The following DRC11 variants were observed in gnomAD, a reference collection of about 807,000 sequenced individuals.
DRC11 encodes dynein regulatory complex subunit 11.
chr2:236,336,461 CACCACCACT>C, the DRC11 span, among the ~76,000 whole-genome samples: 1 of 150,656 alleles, frequency 6.6e-6, no homozygotes, highest in African/African-American at 2.5e-5. The surrounding 1 kb of genome is among the most constrained non-coding windows in gnomAD (Gnocchi z 7.3). Context: ...CCACCACGGC[CACCACCACT>C]GCCACCACGG....
the DRC11 span, among the ~76,000 whole-genome samples, chr2:236,311,063 G>A: frequency 1.3e-5 from 2 of 152,184 alleles, no homozygotes; most frequent in African/African-American, 4.8e-5. The surrounding 1 kb of genome is among the most constrained non-coding windows in gnomAD (Gnocchi z 6.9). Context: ...CTCTGGGGAC[G>A]ACACACTGTG....
the DRC11 span, among the ~76,000 whole-genome samples, chr2:236,411,120 T>C: frequency 6.8e-6 from 1 of 146,176 alleles, no homozygotes; most frequent in Non-Finnish European, 1.5e-5. Context: ...ACCTACAAAA[T>C]GGGAGAAAAT....
chr2:236,375,905 T>C, the DRC11 span, among the ~76,000 whole-genome samples: 337 of 152,336 alleles, frequency 2.2e-3, no homozygotes, highest in African/African-American at 7.8e-3. The surrounding 1 kb of genome is among the most constrained non-coding windows in gnomAD (Gnocchi z 4.2). Context: ...CTGATGCAGA[T>C]ACAAAATCAT....
chr2:236,496,364 T>A, the DRC11 span, among the ~76,000 whole-genome samples: 1 of 152,190 alleles, frequency 6.6e-6, no homozygotes, highest in African/African-American at 2.4e-5. This position sits in a 1 kb window ranked among gnomAD's most constrained non-coding sequence, Gnocchi z 6.3. Flanking sequence ...GAAACCCTCA[T>A]GTAGAAAATT....
At chr2:236,359,845 C>T in the DRC11 span, among the ~76,000 whole-genome samples, 6 of 152,184 alleles carry the variant, frequency 3.9e-5, no homozygotes, top group Non-Finnish European at 8.8e-5. This position sits in a 1 kb window ranked among gnomAD's most constrained non-coding sequence, Gnocchi z 4.3. Flanking sequence ...CTGGGTCTTT[C>T]ATTAATCAGT....
chr2:236,501,013 T>C, the DRC11 span, among the ~76,000 whole-genome samples: 1 of 152,084 alleles, frequency 6.6e-6, no homozygotes, highest in African/African-American at 2.4e-5. Flanking sequence ...GGGTAATTTA[T>C]AAAGAAAAGA....
At chr2:236,346,320 C>G in the DRC11 span, among the ~76,000 whole-genome samples, 1 of 152,170 alleles carries the variant, frequency 6.6e-6, no homozygotes, top group African/African-American at 2.4e-5. Flanking sequence ...GAGGCCTTAG[C>G]ACATGTGGAA....
the DRC11 span, among the ~76,000 whole-genome samples, chr2:236,378,455 T>C: frequency 6.6e-6 from 1 of 152,048 alleles, no homozygotes; most frequent in East Asian, 1.9e-4. Flanking sequence ...GGGCGGATCA[T>C]TTGAAGTCAG....
the DRC11 span, chr2:236,465,722 T>C: frequency 3.2e-6 from 5 of 1,549,288 alleles, no homozygotes; most frequent in African/African-American, 2.7e-5. The surrounding 1 kb of genome is among the most constrained non-coding windows in gnomAD (Gnocchi z 6.2). Context: ...TGAAAATATA[T>C]ACAAGCAACA....
the DRC11 span, among the ~76,000 whole-genome samples, chr2:236,349,669 A>C: frequency 6.6e-6 from 1 of 152,338 alleles, no homozygotes; most frequent in East Asian, 1.9e-4. The surrounding 1 kb of genome is among the most constrained non-coding windows in gnomAD (Gnocchi z 5.5). Flanking sequence ...TGGCAGCTAA[A>C]CAGTGAGAAT....
chr2:236,435,953 A>G, the DRC11 span, among the ~76,000 whole-genome samples: 1 of 152,230 alleles, frequency 6.6e-6, no homozygotes, highest in Non-Finnish European at 1.5e-5. Context: ...AAGCACATAC[A>G]CATGAAAAGT....
the DRC11 span, among the ~76,000 whole-genome samples, chr2:236,387,180 C>T: frequency 2.2e-4 from 33 of 148,372 alleles, no homozygotes; most frequent in African/African-American, 2.7e-4. Flanking sequence ...CTATTAGGTC[C>T]GCTTGGTGCA....
the DRC11 span, among the ~76,000 whole-genome samples, chr2:236,355,435 G>A: frequency 3.9e-5 from 6 of 152,210 alleles, no homozygotes; most frequent in African/African-American, 1.4e-4. Flanking sequence ...TGTGCATGTC[G>A]CTCCTCAGCC....
the DRC11 span, among the ~76,000 whole-genome samples, chr2:236,421,778 T>C: frequency 1.3e-5 from 2 of 152,138 alleles, no homozygotes; most frequent in Non-Finnish European, 2.9e-5. Flanking sequence ...TTTAGACCAA[T>C]ATCCTTGAAC....
At chr2:236,332,691 A>G in the DRC11 span, 1 of 152,246 alleles carries the variant, frequency 6.6e-6, no homozygotes, top group African/African-American at 2.4e-5. This position sits in a 1 kb window ranked among gnomAD's most constrained non-coding sequence, Gnocchi z 5.1. Flanking sequence ...AAATGAAAAG[A>G]TCTACTTACT....
At chr2:236,327,627 T>C in the DRC11 span, among the ~76,000 whole-genome samples, 2 of 152,192 alleles carry the variant, frequency 1.3e-5, no homozygotes, top group Non-Finnish European at 2.9e-5. Flanking sequence ...CCTTTTTCAG[T>C]TCTTTTGTTT....
the DRC11 span, among the ~76,000 whole-genome samples, chr2:236,457,447 G>A: frequency 3.4e-4 from 52 of 152,264 alleles, no homozygotes; most frequent in South Asian, 8.3e-3. The surrounding 1 kb of genome is among the most constrained non-coding windows in gnomAD (Gnocchi z 4.7). Context: ...CATTATGAAC[G>A]CTATTCATGA....
chr2:236,350,930 A>T, the DRC11 span, among the ~76,000 whole-genome samples: 2 of 152,148 alleles, frequency 1.3e-5, no homozygotes, highest in Non-Finnish European at 2.9e-5. The surrounding 1 kb of genome is among the most constrained non-coding windows in gnomAD (Gnocchi z 5.2). Context: ...AAACTGGGGC[A>T]GTGTCAAGCG....
chr2:236,365,855 T>C, the DRC11 span, among the ~76,000 whole-genome samples: 1 of 152,066 alleles, frequency 6.6e-6, no homozygotes, highest in Non-Finnish European at 1.5e-5. The surrounding 1 kb of genome is among the most constrained non-coding windows in gnomAD (Gnocchi z 7.4). Flanking sequence ...TTCCTGCCCC[T>C]CTCGTAGAGT....
Sources: allele counts gnomAD v4.1 joint callset (sites outside exome capture counted in the v4.1 genomes callset), GRCh38; gene constraint gnomAD v4.1.1; non-coding constraint Gnocchi (gnomAD v3.1); transcripts MANE v1.5; gene names NCBI Gene and HGNC (gene_info 2026-07-23, HGNC 2026-07-21).